Variants in FHIT observed in about 807,000 individuals in gnomAD.
FHIT encodes fragile histidine triad diadenosine triphosphatase.
FHIT carries 19 observed loss-of-function variants against 17.9 expected under a neutral mutation model. The observed-to-expected ratio is 1.06, with a 90% CI of 0.74 to 1.56. The LOEUF is 1.56. FHIT is among the 40% of genes most tolerant of loss of function. FHIT has a pLI of 0.00. For missense variants in FHIT, 248 were observed against 189.2 expected, an observed-to-expected ratio of 1.31 and a Z score of -1.82; for synonymous variants, 81 against 69.7, an observed-to-expected ratio of 1.16 and a Z score of -0.81.
At chr3:60,815,538 G>T (rs1553737397) in intron 4 of FHIT, among the ~76,000 whole-genome samples, 1 of 152,124 alleles carries the variant, frequency 6.6e-6, no homozygotes, top group Non-Finnish European at 1.5e-5. Context: ...AGATCAGATG[G>T]TTGTAAGTGT....
chr3:59,972,572 T>A (rs1187115276), intron 7 of FHIT, among the ~76,000 whole-genome samples: 1 of 152,024 alleles, frequency 6.6e-6, no homozygotes, highest in Non-Finnish European at 1.5e-5. Flanking sequence ...GCCAGTCAGC[T>A]TTTTCCTGCA....
chr3:60,456,576 A>G (rs993708258), intron 5 of FHIT, among the ~76,000 whole-genome samples: 1 of 152,162 alleles, frequency 6.6e-6, no homozygotes, highest in Non-Finnish European at 1.5e-5. Context: ...AGTTAATGGC[A>G]GCAGCAGCAG....
intron 4 of FHIT, among the ~76,000 whole-genome samples, chr3:60,708,385 A>G (rs918508729): frequency 6.6e-6 from 1 of 152,226 alleles, no homozygotes; most frequent in Non-Finnish European, 1.5e-5. Flanking sequence ...AATGCCAGCA[A>G]CCTGCTGAGT....
At chr3:60,561,948 C>G (rs1839076) in intron 4 of FHIT, among the ~76,000 whole-genome samples, 126,303 of 150,998 alleles carry the variant, frequency 0.84, 53,137 homozygotes, top group African/African-American at 0.94. Context: ...AAGAGAGAAA[C>G]AGAGAGAGAG....
intron 5 of FHIT, among the ~76,000 whole-genome samples, chr3:60,314,751 T>C (rs1197197374): frequency 6.6e-6 from 1 of 152,088 alleles, no homozygotes; most frequent in African/African-American, 2.4e-5. Flanking sequence ...ATGTTCCTTC[T>C]CCCTGAGTAA....
intron 3 of FHIT, among the ~76,000 whole-genome samples, chr3:60,869,166 T>C (rs1370151278): frequency 6.6e-6 from 1 of 152,130 alleles, no homozygotes; most frequent in African/African-American, 2.4e-5. Flanking sequence ...ATAATACCTA[T>C]TTCACCCAAA....
Position 59,857,676 on chromosome 3 carries a change from A to T in FHIT, c.348+64670T>A, listed in dbSNP as rs115892260. On this transcript the variant is annotated intron_variant, in intron 8 of 9. Transcript: ENST00000492590. ...CTGTTAAAGATTACAGAGTGACGTC[A>T]CTTATGACTATGCTGTGCAAAGTGC... Among the ~76,000 whole-genome samples, 942 of 145,888 alleles carry T rather than the reference A, an allele frequency of 6.5e-3. 13 individuals carry two copies. Among genetic ancestry groups the T allele is most frequent in the African/African-American group, 0.024 (916 of 38,146 alleles).
At chr3:61,101,504 G>A (rs573352495) in intron 2 of FHIT, among the ~76,000 whole-genome samples, 21 of 152,272 alleles carry the variant, frequency 1.4e-4, no homozygotes, top group Non-Finnish European at 2.6e-4. Flanking sequence ...GATGCCTCCA[G>A]CTTTGTTCTT....
chr3:60,738,274 G>A (rs1410273538), intron 4 of FHIT, among the ~76,000 whole-genome samples: 5 of 152,162 alleles, frequency 3.3e-5, no homozygotes, highest in African/African-American at 9.7e-5. Context: ...TGGCTTATAG[G>A]GCCCTGTGAA....
chr3:59,968,645 G>C (rs1041230526), intron 7 of FHIT, among the ~76,000 whole-genome samples: 1 of 151,984 alleles, frequency 6.6e-6, no homozygotes, highest in Non-Finnish European at 1.5e-5. Flanking sequence ...CACAGAAATG[G>C]CATCTCAGCA....
intron 3 of FHIT, among the ~76,000 whole-genome samples, chr3:60,888,993 C>T (rs1165258361): frequency 1.3e-5 from 2 of 152,154 alleles, no homozygotes; most frequent in Admixed American, 6.5e-5. Flanking sequence ...TTGCCTTCTA[C>T]TTTTAAACTT....
intron 4 of FHIT, among the ~76,000 whole-genome samples, chr3:60,569,755 A>ATATATTTTTT: frequency 0.023 from 1,761 of 77,042 alleles, 67 homozygotes; most frequent in African/African-American, 0.034. Context: ...ATATATATAT[A>ATATATTTTTT]TTTTTTTTTT....
intron 4 of FHIT, among the ~76,000 whole-genome samples, chr3:60,737,718 C>A (rs1481908833): frequency 6.6e-6 from 1 of 151,972 alleles, no homozygotes; most frequent in Non-Finnish European, 1.5e-5. Flanking sequence ...CTCTGTGAAA[C>A]CTTAAATGTG....
chr3:59,870,046 T>C (rs769216887), intron 8 of FHIT, among the ~76,000 whole-genome samples: 1 of 152,164 alleles, frequency 6.6e-6, no homozygotes, highest in Non-Finnish European at 1.5e-5. Context: ...ATCTCCATTG[T>C]ATAGCTGGGG....
intron 8 of FHIT, among the ~76,000 whole-genome samples, chr3:59,826,315 T>C (rs541960): frequency 0.056 from 8,595 of 152,312 alleles, 326 homozygotes; most frequent in Non-Finnish European, 0.087. Context: ...TTCACCATGT[T>C]GGATCACCCT....
chr3:60,454,694 T>G (rs2031976611), intron 5 of FHIT, among the ~76,000 whole-genome samples: 1 of 152,100 alleles, frequency 6.6e-6, no homozygotes, highest in Admixed American at 6.6e-5. Context: ...TTAACCTAAC[T>G]TTTAAAGTCC....
intron 4 of FHIT, among the ~76,000 whole-genome samples, chr3:60,595,160 A>C (rs2038222848): frequency 6.6e-6 from 1 of 152,078 alleles, no homozygotes; most frequent in African/African-American, 2.4e-5. Flanking sequence ...TCTGCATTAC[A>C]TTTCAAGCCA....
At chr3:60,464,514 C>T (rs1191080953) in intron 5 of FHIT, among the ~76,000 whole-genome samples, 2 of 152,040 alleles carry the variant, frequency 1.3e-5, no homozygotes, top group African/African-American at 4.8e-5. Context: ...TCCCCAACTA[C>T]CCTTCCCAGC....
chr3:60,059,524 T>C (rs563480136), intron 5 of FHIT, among the ~76,000 whole-genome samples: 7 of 152,292 alleles, frequency 4.6e-5, no homozygotes, highest in Non-Finnish European at 1.0e-4. Flanking sequence ...CTTGGGTCTC[T>C]TCCAGATATA....
Sources: gnomAD v4.1 joint callset for allele counts (sites outside exome capture counted in the v4.1 genomes callset) on GRCh38, gnomAD v4.1.1 for gene constraint, MANE v1.5 for transcripts, NCBI Gene and HGNC (gene_info 2026-07-23, HGNC 2026-07-21) for gene names.